Variants in SLC30A8 observed in about 807,000 individuals in gnomAD.
SLC30A8 encodes solute carrier family 30 member 8.
In SLC30A8, 27 loss-of-function variants were observed where a neutral mutation model predicts 36.9. The ratio of observed to expected loss-of-function variants is 0.73; its 90% CI spans 0.54 to 1.01. SLC30A8 has a LOEUF of 1.01. Among genes scored for constraint, SLC30A8 ranks in the 50% least tolerant of loss-of-function variants. SLC30A8 has a pLI of 0.00. For synonymous variants in SLC30A8, 164 were observed against 172.4 expected (o/e 0.95, Z 0.38); for missense variants, 439 against 452.0 (o/e 0.97, Z 0.26).
At chr8:117,061,188 A>C (rs770300317) in intron 2 of SLC30A8, among the ~76,000 whole-genome samples, 26 of 152,236 alleles carry the variant, frequency 1.7e-4, no homozygotes, top group Non-Finnish European at 2.9e-4. Flanking sequence ...GATTCTCACT[A>C]TGACTCTAGT....
At chr8:117,051,945 C>T (rs1031583661) in intron 2 of SLC30A8, among the ~76,000 whole-genome samples, 3 of 152,214 alleles carry the variant, frequency 2.0e-5, no homozygotes, top group African/African-American at 7.2e-5. Flanking sequence ...CCTAAGGCCT[C>T]ACCAAAAGCA....
At position 117,121,527 on chromosome 8, in the gene SLC30A8, G is replaced by T. The variant is rs1447927999; in HGVS notation, c.-225-13753G>T. On this transcript the variant is annotated intron_variant, in intron 2 of 10. Transcript: ENST00000427715. ...TTGTGTCCTCACATGATTCTCTCTT[G>T]TGCCTCTTTTATAAGGACACCAATC... Among the ~76,000 whole-genome samples, 3 of 151,790 alleles carry T rather than the reference G, an allele frequency of 2.0e-5. No individual in the cohort carries two copies. The East Asian group carries it at 5.8e-4, about 30-fold the overall frequency.
At chr8:116,965,103 A>AT (rs1343551529) in intron 1 of SLC30A8, among the ~76,000 whole-genome samples, 2 of 152,036 alleles carry the variant, frequency 1.3e-5, no homozygotes, top group Non-Finnish European at 2.9e-5. Context: ...TGCTCAGCTA[A>AT]TTTTTTGTAT....
At chr8:116,997,820 G>A (rs1815872539) in intron 1 of SLC30A8, among the ~76,000 whole-genome samples, 1 of 152,160 alleles carries the variant, frequency 6.6e-6, no homozygotes, top group Admixed American at 6.6e-5. Flanking sequence ...TGGGCCTCCT[G>A]GGAGCCATAT....
chr8:117,145,076 T>C (rs1274029050), intron 1 of SLC30A8, among the ~76,000 whole-genome samples: 1 of 152,138 alleles, frequency 6.6e-6, no homozygotes, highest in Admixed American at 6.5e-5. Context: ...CAGCTTGAGG[T>C]TGAAGAATAG....
At chr8:117,044,080 T>G (rs1241275123) in intron 2 of SLC30A8, among the ~76,000 whole-genome samples, 1 of 152,124 alleles carries the variant, frequency 6.6e-6, no homozygotes, top group African/African-American at 2.4e-5. Context: ...GTGAGGGGAC[T>G]CTCATTAGAA....
intron 4 of SLC30A8, 151 bp downstream of exon 4, chr8:117,157,995 C>A: frequency 1.1e-6 from 1 of 882,506 alleles, no homozygotes; most frequent in Non-Finnish European, 1.7e-6. Context: ...ATAAGGTTGA[C>A]TGCTTTCGTT....
chr8:117,057,624 A>T (rs1817912036), intron 2 of SLC30A8, among the ~76,000 whole-genome samples: 1 of 152,154 alleles, frequency 6.6e-6, no homozygotes, highest in African/African-American at 2.4e-5. Context: ...TACAGTATTT[A>T]TCTTTCTGTA....
chr8:116,984,677 A>G lies in SLC30A8; in HGVS notation c.-266+33558A>G, dbSNP rs530036371. Among the ~76,000 whole-genome samples the G allele has an allele frequency of 9.9e-5, 15 of 152,068 alleles. No individual in the cohort carries two copies. The East Asian group carries it at 2.3e-3, about 23-fold the overall frequency. ...TTTATTTTTTTCTCTTTGCATTTCAATGGCTACAAATGTCTGCTTTTTAAC... is the reference window on the plus strand; with the variant it reads ...TTTATTTTTTTCTCTTTGCATTTCAGTGGCTACAAATGTCTGCTTTTTAAC... On this transcript the variant is annotated intron_variant, in intron 1 of 10. Coordinates refer to the SLC30A8 transcript ENST00000427715.
At chr8:117,147,966 G>T (rs1248479651) in intron 2 of SLC30A8, among the ~76,000 whole-genome samples, 2 of 151,848 alleles carry the variant, frequency 1.3e-5, no homozygotes, top group East Asian at 3.9e-4. Context: ...TCGTTTTTTA[G>T]AAAATTTTTA....
At chr8:116,951,385 C>G (rs1472926120) in intron 1 of SLC30A8, among the ~76,000 whole-genome samples, 1 of 152,116 alleles carries the variant, frequency 6.6e-6, no homozygotes, top group African/African-American at 2.4e-5. Flanking sequence ...TAGAAAAATA[C>G]TGAAATTAAC....
At chr8:117,159,215 C>A (rs1480354589) in intron 4 of SLC30A8, among the ~76,000 whole-genome samples, 2 of 152,204 alleles carry the variant, frequency 1.3e-5, no homozygotes, top group Non-Finnish European at 2.9e-5. Context: ...GCTAAAGCAT[C>A]ATGGTTATTT....
At chr8:117,090,864 C>CTTA (rs950851524) in intron 2 of SLC30A8, among the ~76,000 whole-genome samples, 2 of 152,116 alleles carry the variant, frequency 1.3e-5, no homozygotes, top group Non-Finnish European at 2.9e-5. Context: ...TCCCACTAGA[C>CTTA]TTAGAGTACC....
intron 2 of SLC30A8, among the ~76,000 whole-genome samples, chr8:117,095,512 G>C (rs11777797): frequency 0.11 from 17,153 of 151,780 alleles, 1,204 homozygotes; most frequent in Non-Finnish European, 0.16. Context: ...TCTTAAAATG[G>C]GACTTTCTTG....
chr8:117,153,238 A>C, intron 3 of SLC30A8, 148 bp downstream of exon 3: 2 of 730,004 alleles, frequency 2.7e-6, no homozygotes, highest in Non-Finnish European at 4.1e-6. Context: ...TGTATGTGGG[A>C]ATGTGTGTTT....
At chr8:117,135,746 GA>G (rs1794476918) in intron 1 of SLC30A8, among the ~76,000 whole-genome samples, 1 of 151,680 alleles carries the variant, frequency 6.6e-6, no homozygotes, top group African/African-American at 2.4e-5. Flanking sequence ...ATTATATTTA[GA>G]AAAAGTTAAG....
Position 117,139,391 on chromosome 8 carries a change from G to A in SLC30A8, c.71+3993G>A, listed in dbSNP as rs530469182. 3.9e-5 allele frequency among the ~76,000 whole-genome samples: 6 copies of A among 152,150 alleles called. No individual in the cohort carries two copies. The East Asian group carries it at 5.8e-4, about 15-fold the overall frequency. On this transcript the variant is annotated intron_variant, in intron 1 of 7. Transcript: ENST00000456015. ...GGTGCACACACTAAGGAAAGACCACGCGAGGAAGTAACGAAAAGGCAAGCA... is the reference window on the plus strand; with the variant it reads ...GGTGCACACACTAAGGAAAGACCACACGAGGAAGTAACGAAAAGGCAAGCA...
chr8:117,009,603 A>C (rs930281645), intron 1 of SLC30A8, among the ~76,000 whole-genome samples: 4 of 152,222 alleles, frequency 2.6e-5, no homozygotes, highest in Non-Finnish European at 5.9e-5. Flanking sequence ...CAAAGGAAAT[A>C]GTTTGTATCA....
chr8:117,110,361 C>T (rs190361811), intron 2 of SLC30A8, among the ~76,000 whole-genome samples: 1 of 152,072 alleles, frequency 6.6e-6, no homozygotes, highest in Non-Finnish European at 1.5e-5. Flanking sequence ...CTTTCCAGCC[C>T]TGTGGGTGTA....
Sources: gnomAD v4.1 joint callset for allele counts (sites outside exome capture counted in the v4.1 genomes callset) on GRCh38, gnomAD v4.1.1 for gene constraint, MANE v1.5 for transcripts, NCBI Gene and HGNC (gene_info 2026-07-23, HGNC 2026-07-21) for gene names.